The following SLCO3A1 variants were observed in gnomAD, a reference collection of about 807,000 sequenced individuals.
SLCO3A1 encodes the protein PGE1 transporter.
Under a neutral mutation model 63.1 loss-of-function variants are expected in SLCO3A1, and 27 were observed. The observed-to-expected ratio is 0.43, with a 90% CI of 0.32 to 0.59. The LOEUF is 0.59. Among genes scored for constraint, SLCO3A1 ranks in the 20% least tolerant of loss-of-function variants. The pLI, the probability that SLCO3A1 is intolerant of heterozygous loss-of-function variation, is 0.09. For synonymous variants in SLCO3A1, 473 were observed against 409.9 expected, an observed-to-expected ratio of 1.15 and a Z score of -1.86; for missense variants, 773 against 945.8, an observed-to-expected ratio of 0.82 and a Z score of 2.40.
rs1460625172 is a variant in SLCO3A1, at chr15:92,126,242, T to A, written c.1356T>A (p.Thr452=). 6.2e-7 allele frequency: 1 copy of A among 1,614,048 alleles called. No homozygotes were observed. Among genetic ancestry groups the A allele is most frequent in the Non-Finnish European group, 8.5e-7 (1 of 1,179,964 alleles). Residue 452 remains threonine, a synonymous_variant, in exon 6 of 10, where the codon ACT becomes ACA. Transcript: ENST00000318445. ...GCDTGPVAGV[T]VPYGNSTAPG... ...ACACTGGCCCTGTGGCTGGGGTTACTGTTCCCTATGGAAACAGGTGAGTAC... is the reference window on the plus strand; with the variant it reads ...ACACTGGCCCTGTGGCTGGGGTTACAGTTCCCTATGGAAACAGGTGAGTAC...
chr15:92,163,921 A>G lies in SLCO3A1; in HGVS notation c.*786A>G. The G allele has an allele frequency of 2.0e-6, 2 of 985,504 alleles. No homozygotes were observed. The highest frequency in any genetic ancestry group is 2.3e-4 in the East Asian group (2 of 8,812). 61.0% of individuals were successfully genotyped at this position (985,504 alleles called of 1,614,324 possible). ...CACCTTCCCCCAGCCCCACAGAGTG[A>G]CCTCAGGAAGCAGTAGGCCTCGCCT... On this transcript the variant is annotated 3_prime_UTR_variant, in exon 10 of 10. Transcript: ENST00000318445.
In SLCO3A1 at chr15:91,967,225, T is replaced by C. The variant is rs780395130; in HGVS notation, c.646+50767T>C. 6.6e-6 allele frequency among the ~76,000 whole-genome samples: 1 copy of C among 152,226 alleles called. No homozygotes were observed. Among genetic ancestry groups the C allele is most frequent in the East Asian group, 1.9e-4 (1 of 5,202 alleles). Reference sequence around the variant, plus strand: ...TGTCTAAATAAACCCAGTGAGTTGTTACATTTTTATTCATTTAAAATATTA... The same window carrying C: ...TGTCTAAATAAACCCAGTGAGTTGTCACATTTTTATTCATTTAAAATATTA... On this transcript the variant is annotated intron_variant, in intron 2 of 9. Transcript: ENST00000318445. The surrounding 1 kb of genome is among the most constrained non-coding windows in gnomAD (Gnocchi z 4.4).
chr15:92,161,759 AACACCACAC>A (rs2151603771), intron 9 of SLCO3A1: 1 of 144,780 alleles, frequency 6.9e-6, no homozygotes, highest in South Asian at 2.2e-4. Flanking sequence ...TCCTCTGTAG[AACACCACAC>A]ACAGTATGCC....
chr15:91,949,831 T>TAGTA (rs2151409452), intron 2 of SLCO3A1, among the ~76,000 whole-genome samples: 1 of 151,944 alleles, frequency 6.6e-6, no homozygotes, highest in South Asian at 2.1e-4. Context: ...ACCCCGGCTT[T>TAGTA]AATAAATAAA....
chr15:92,158,144 G>A (rs1266543906), intron 9 of SLCO3A1, among the ~76,000 whole-genome samples: 3 of 152,108 alleles, frequency 2.0e-5, no homozygotes, highest in African/African-American at 4.8e-5. Flanking sequence ...TACAAAATAA[G>A]TCTCCCAGCC....
chr15:92,055,643 A>G (rs920836581), intron 2 of SLCO3A1, among the ~76,000 whole-genome samples: 3 of 152,136 alleles, frequency 2.0e-5, no homozygotes, highest in African/African-American at 7.2e-5. Context: ...CATTTGACAA[A>G]CAGGTCTTGC....
At chr15:92,122,962 C>T (rs1181415941) in intron 5 of SLCO3A1, among the ~76,000 whole-genome samples, 1 of 152,126 alleles carries the variant, frequency 6.6e-6, no homozygotes, top group African/African-American at 2.4e-5. Context: ...ATAGTGGTTA[C>T]CTTTGGGGGA....
At chr15:92,107,279 C>T (rs1382189368) in intron 4 of SLCO3A1, among the ~76,000 whole-genome samples, 3 of 152,224 alleles carry the variant, frequency 2.0e-5, no homozygotes, top group Non-Finnish European at 4.4e-5. Context: ...GAAAGTGTTT[C>T]TGCAAGATTC....
intron 4 of SLCO3A1, among the ~76,000 whole-genome samples, chr15:92,114,072 G>T (rs965206735): frequency 5.9e-5 from 9 of 152,090 alleles, no homozygotes; most frequent in African/African-American, 2.2e-4. Context: ...ATCTCCCCTG[G>T]GGGCCAACAG....
chr15:91,874,651 C>T (rs796277043), intron 1 of SLCO3A1, among the ~76,000 whole-genome samples: 14 of 152,326 alleles, frequency 9.2e-5, no homozygotes, highest in South Asian at 2.1e-4. Flanking sequence ...TCGATGGACA[C>T]TTCCGTTGCT....
chr15:92,145,364 T>G (rs923453193), intron 7 of SLCO3A1, among the ~76,000 whole-genome samples: 1 of 152,194 alleles, frequency 6.6e-6, no homozygotes, highest in Non-Finnish European at 1.5e-5. Flanking sequence ...GAAGTCTTGC[T>G]TCCTAATAAA....
At chr15:92,028,463 C>T (rs1178412383) in intron 2 of SLCO3A1, among the ~76,000 whole-genome samples, 2 of 152,070 alleles carry the variant, frequency 1.3e-5, no homozygotes, top group Non-Finnish European at 2.9e-5. Flanking sequence ...TATTGAACGC[C>T]GACAGCACTA....
Position 92,123,224 on chromosome 15 carries a change from A to C in SLCO3A1, c.1174+2595A>C, listed in dbSNP as rs188478773. ...TGGATCACCTGAGGTCAAGAGTTCA[A>C]GACCAGCCTGGCCAACATGGTAAAA... is the stretch of plus-strand genomic sequence containing the variant. On this transcript the variant is annotated intron_variant, in intron 5 of 9. Coordinates refer to ENST00000318445, the MANE Select transcript of SLCO3A1 (RefSeq NM_013272.4). Among the ~76,000 whole-genome samples, 247 of 152,284 alleles carry C rather than the reference A, an allele frequency of 1.6e-3. 2 individuals carry two copies. Among genetic ancestry groups the C allele is most frequent in the East Asian group, 3.3e-3 (17 of 5,172 alleles).
At chr15:92,167,202 C>T (rs1455814632), downstream of SLCO3A1, among the ~76,000 whole-genome samples, 1 of 152,196 alleles carries the variant, frequency 6.6e-6, no homozygotes, top group Non-Finnish European at 1.5e-5. Context: ...ATCTTGATGG[C>T]TTGGGAGAAC....
At chr15:92,162,441 T>C (rs1050862662) in intron 9 of SLCO3A1, 1 of 273,566 alleles carries the variant, frequency 3.7e-6, no homozygotes, top group Non-Finnish European at 6.8e-6. Flanking sequence ...TGAGCCACCA[T>C]GCCAGACTGA....
chr15:92,152,044 G>A (rs931553280), intron 9 of SLCO3A1, among the ~76,000 whole-genome samples: 3 of 152,142 alleles, frequency 2.0e-5, no homozygotes, highest in African/African-American at 7.2e-5. Flanking sequence ...CATGTGATGG[G>A]GGAAGGGGAA....
At chr15:91,961,191 A>G (rs1252885256) in intron 2 of SLCO3A1, among the ~76,000 whole-genome samples, 3 of 152,220 alleles carry the variant, frequency 2.0e-5, no homozygotes, top group South Asian at 2.1e-4. Context: ...TGCATTATCT[A>G]TTATCCCAGT....
At position 92,140,795 on chromosome 15, in the gene SLCO3A1, T is replaced by C. The variant is rs551153877; in HGVS notation, c.1513-6189T>C. Among the ~76,000 whole-genome samples, 61 of 152,338 alleles carry C rather than the reference T, an allele frequency of 4.0e-4. 2 individuals carry two copies. Among genetic ancestry groups the C allele is most frequent in the African/African-American group, 1.4e-3 (59 of 41,582 alleles). ...AAGTCTGTTTTATCAGAGACTAAGA[T>C]TGCAACCTCTGCCTTTTTTTGTTTT... On this transcript the variant is annotated intron_variant, in intron 7 of 9. Transcript: ENST00000318445.
chr15:92,115,704 C>T (rs1596114664), intron 4 of SLCO3A1, among the ~76,000 whole-genome samples: 1 of 150,878 alleles, frequency 6.6e-6, no homozygotes, highest in Admixed American at 6.6e-5. Context: ...TTTTATACAA[C>T]CTCATTCAGC....
Sources: gnomAD v4.1 joint callset for allele counts (sites outside exome capture counted in the v4.1 genomes callset) on GRCh38, gnomAD v4.1.1 for gene constraint, Gnocchi (gnomAD v3.1) non-coding constraint, MANE v1.5 for transcripts, NCBI Gene and HGNC (gene_info 2026-07-23, HGNC 2026-07-21) for gene names.